POLN: variants seen among roughly 807,000 people sequenced by gnomAD.
POLN encodes the protein DNA polymerase nu.
POLN carries 108 observed loss-of-function variants against 113.5 expected under a neutral mutation model. The ratio of observed to expected loss-of-function variants is 0.95; its 90% CI spans 0.81 to 1.12. The LOEUF (loss-of-function observed/expected upper bound fraction) is 1.12. POLN is among the 50% of genes most tolerant of loss of function. The pLI, the probability that POLN is intolerant of heterozygous loss-of-function variation, is 0.00. For missense variants in POLN, 1,097 were observed against 1,077.1 expected, an observed-to-expected ratio of 1.02 and a Z score of -0.26; for synonymous variants, 386 against 391.5, an observed-to-expected ratio of 0.99 and a Z score of 0.17.
At chr4:2,146,868 C>T (rs1041221994) in intron 16 of POLN, among the ~76,000 whole-genome samples, 1 of 152,076 alleles carries the variant, frequency 6.6e-6, no homozygotes, top group Non-Finnish European at 1.5e-5. Context: ...AAAGTATTAC[C>T]ACCATAGGAC....
chr4:2,091,805 G>GCA (rs1560980570), intron 20 of POLN, among the ~76,000 whole-genome samples: 1 of 151,516 alleles, frequency 6.6e-6, no homozygotes, highest in African/African-American at 2.4e-5. Flanking sequence ...GTGTGTGCGC[G>GCA]CGCTACAATT....
Position 2,159,157 on chromosome 4 carries a change from G to A in POLN, c.1609C>T (p.Gln537Ter), listed in dbSNP as rs145848257. ...PLPKIILEYRQVHKIKSTFVD... is the reference protein window; with the variant it reads ...PLPKIILEYR ...TACGTACAAAAAAATTAACTTACCT[G>A]CCTGTATTCCAAAATTATCTTGGGT... The change falls in exon 14 of 26, where the codon CAG becomes TAG. Residue 537 changes from glutamine to a stop codon, truncating the protein, a stop_gained and splice_region_variant. Transcript: ENST00000511885. LOFTEE classifies it high-confidence loss of function. 1.4e-4 allele frequency: 224 copies of A among 1,603,950 alleles called. No individual in the cohort carries two copies. In the African/African-American group the frequency reaches 2.6e-3, roughly 18 times the overall value.
rs1386791813 is a variant in POLN at position 2,228,260 on chromosome 4, A to C, written c.133+839T>G. ...TGCTAGTAGCAAAAAAAAAAAAAAA[A>C]CACCAACAAAAAACAAAACAAAAAA... On this transcript the variant is annotated intron_variant, in intron 3 of 25. Coordinates refer to ENST00000511885, the MANE Select transcript of POLN (RefSeq NM_181808.4). The C allele has an allele frequency of 9.4e-4, 146 of 155,382 alleles. 1 individual carries two copies. Among genetic ancestry groups the C allele is most frequent in the African/African-American group, 3.5e-3 (135 of 38,550 alleles). The allele number at this position is 155,382 out of a possible 1,614,324, so 9.6% of individuals were successfully genotyped here. A position where few individuals can be genotyped will look rare whatever the true frequency, so the allele number is the denominator to read the frequency against.
chr4:2,171,241 A>C lies in POLN; in HGVS notation c.1375-60T>G, dbSNP rs1732853267. The C allele has an allele frequency of 1.9e-5, 28 of 1,497,028 alleles. No homozygotes were observed. The South Asian group carries it at 3.0e-4, about 16-fold the overall frequency. The allele number at this position is 1,497,028 out of a possible 1,614,324, so 92.7% of individuals were successfully genotyped here. A position where few individuals can be genotyped will look rare whatever the true frequency, so the allele number is the denominator to read the frequency against. On this transcript the variant is annotated intron_variant, in intron 11 of 25. Coordinates refer to ENST00000511885, the MANE Select transcript of POLN (RefSeq NM_181808.4). Reference sequence around the variant, plus strand: ...TAGTTTTCACAATTTAAGATTGTTTAATTTGTTCATCAAACAATTCTCAAC... The same window carrying C: ...TAGTTTTCACAATTTAAGATTGTTTCATTTGTTCATCAAACAATTCTCAAC...
At chr4:2,200,559 C>T (rs1733686262) in intron 5 of POLN, among the ~76,000 whole-genome samples, 2 of 152,180 alleles carry the variant, frequency 1.3e-5, no homozygotes, top group African/African-American at 2.4e-5. Context: ...AGACAAGCCC[C>T]AGGACAGCTT....
intron 19 of POLN, among the ~76,000 whole-genome samples, chr4:2,109,170 G>A (rs1361238678): frequency 6.6e-6 from 1 of 152,180 alleles, no homozygotes; most frequent in Non-Finnish European, 1.5e-5. Flanking sequence ...TCATTTAGGA[G>A]GAAATGATTG....
Position 2,157,904 on chromosome 4 carries a change from T to A in POLN, c.1619A>T (p.Lys540Met). The A allele has an allele frequency of 6.2e-7, 1 of 1,605,714 alleles. No individual in the cohort carries two copies. Among genetic ancestry groups the A allele is most frequent in the Non-Finnish European group, 8.5e-7 (1 of 1,173,842 alleles). Residue 540 changes from lysine (K) to methionine (M), a missense_variant, in exon 15 of 26, where the codon AAG (lysine) becomes ATG (methionine). Coordinates refer to ENST00000511885, the MANE Select transcript of POLN (RefSeq NM_181808.4). Reference protein sequence around the residue: ...KIILEYRQVHKIKSTFVDGLL... With the variant: ...KIILEYRQVHMIKSTFVDGLL... ...TCCATCTACAAAGGTTGACTTGATCTTGTGAACCTAAGGTGGAAAGACAAG... is the reference window on the plus strand; with the variant it reads ...TCCATCTACAAAGGTTGACTTGATCATGTGAACCTAAGGTGGAAAGACAAG...
chr4:2,137,338 A>G (rs962809770), intron 16 of POLN, among the ~76,000 whole-genome samples: 1 of 152,204 alleles, frequency 6.6e-6, no homozygotes, highest in Non-Finnish European at 1.5e-5. Flanking sequence ...AGACAATGCC[A>G]GCGGTCTCTT....
intron 6 of POLN, among the ~76,000 whole-genome samples, chr4:2,193,806 T>C (rs1203861239): frequency 6.6e-6 from 1 of 152,216 alleles, no homozygotes; most frequent in African/African-American, 2.4e-5. Context: ...TTTCACAAAC[T>C]GTTCAAGGGC....
intron 16 of POLN, among the ~76,000 whole-genome samples, chr4:2,131,711 C>A (rs988836834): frequency 3.3e-5 from 5 of 152,196 alleles, no homozygotes; most frequent in African/African-American, 1.2e-4. Flanking sequence ...TCATTCCCCT[C>A]CCTCACTGCT....
At chr4:2,141,426 AC>A (rs1238118214) in intron 16 of POLN, among the ~76,000 whole-genome samples, 1 of 151,530 alleles carries the variant, frequency 6.6e-6, no homozygotes, top group Non-Finnish European at 1.5e-5. Context: ...GAGCCTACAT[AC>A]CCCCCGGCAC....
rs527567590 is a variant in POLN at position 2,209,194 on chromosome 4, T to C, written c.214-707A>G. Reference sequence around the variant, plus strand: ...TGTTAATCTATCTACTGAAAAAATGTTTTTGGGCCAGGTGCAGTGGCTCAC... The same window carrying C: ...TGTTAATCTATCTACTGAAAAAATGCTTTTGGGCCAGGTGCAGTGGCTCAC... On this transcript the variant is annotated intron_variant, in intron 4 of 25. Coordinates refer to ENST00000511885, the MANE Select transcript of POLN (RefSeq NM_181808.4). Among the ~76,000 whole-genome samples, 9 of 151,894 alleles carry C rather than the reference T, an allele frequency of 5.9e-5. No individual in the cohort carries two copies. The South Asian group carries it at 1.9e-3, about 32-fold the overall frequency.
intron 19 of POLN, among the ~76,000 whole-genome samples, chr4:2,116,850 C>A (rs1165912221): frequency 1.3e-5 from 2 of 152,184 alleles, no homozygotes; most frequent in Non-Finnish European, 2.9e-5. Flanking sequence ...ACCTAGAGGG[C>A]ACATATTCTC....
intron 23 of POLN, chr4:2,079,004 A>G: frequency 1.2e-6 from 1 of 852,730 alleles, no homozygotes; most frequent in Non-Finnish European, 1.4e-6. Flanking sequence ...ATCATGGCTC[A>G]CTGCAGCCTT....
chr4:2,161,891 G>A (rs998890896), intron 13 of POLN, among the ~76,000 whole-genome samples: 1 of 152,170 alleles, frequency 6.6e-6, no homozygotes, highest in African/African-American at 2.4e-5. Context: ...TCTGTATCTA[G>A]CTACTCTGGT....
chr4:2,200,967 G>T (rs1733694764), intron 5 of POLN, among the ~76,000 whole-genome samples: 1 of 151,970 alleles, frequency 6.6e-6, no homozygotes, highest in African/African-American at 2.4e-5. Context: ...TCAAAAAAAT[G>T]ATACAAGAAA....
intron 3 of POLN, among the ~76,000 whole-genome samples, chr4:2,225,655 T>C (rs1734367655): frequency 6.6e-6 from 1 of 151,764 alleles, no homozygotes; most frequent in Non-Finnish European, 1.5e-5. Flanking sequence ...CCTAATGTAT[T>C]ACAAAAAGAC....
chr4:2,096,236 G>A (rs1730787086), intron 19 of POLN, among the ~76,000 whole-genome samples: 1 of 152,196 alleles, frequency 6.6e-6, no homozygotes, highest in African/African-American at 2.4e-5. Flanking sequence ...TCCAACTTCA[G>A]GAAAGGCCGT....
intron 13 of POLN, among the ~76,000 whole-genome samples, chr4:2,159,625 G>A (rs1251458293): frequency 1.3e-5 from 2 of 152,196 alleles, no homozygotes; most frequent in African/African-American, 2.4e-5. Context: ...AAGAGAGTAA[G>A]AAAAGTTTGT....
Sources: allele counts gnomAD v4.1 joint callset (sites outside exome capture counted in the v4.1 genomes callset), GRCh38; gene constraint gnomAD v4.1.1; transcripts MANE v1.5; gene names NCBI Gene and HGNC (gene_info 2026-07-23, HGNC 2026-07-21).